The following FRMPD4 variants were observed in gnomAD, a reference collection of about 807,000 sequenced individuals.
FRMPD4 encodes the protein FERM and PDZ domain-containing protein 4.
Under a neutral mutation model 94.1 loss-of-function variants are expected in FRMPD4, and 22 were observed. The ratio of observed to expected loss-of-function variants is 0.23; its 90% confidence interval spans 0.17 to 0.33. The LOEUF is 0.33. Among genes scored for constraint, FRMPD4 ranks in the 10% least tolerant of loss-of-function variants. The pLI, the probability that FRMPD4 is intolerant of heterozygous loss-of-function variation, is 1.00. For synonymous variants in FRMPD4, 631 were observed against 548.6 expected (o/e 1.15, Z -2.10); for missense variants, 1,111 against 1,339.9 (o/e 0.83, Z 2.67).
At chrX:12,467,387 A>G (rs2057460672) in intron 1 of FRMPD4, among the ~76,000 whole-genome samples, 1 of 111,834 alleles carries the variant, frequency 8.9e-6, no homozygotes, top group Non-Finnish European at 1.9e-5. Flanking sequence ...CAAAGCACAG[A>G]TTTGGGTTGT....
At chrX:12,366,002 A>G (rs763913540) in intron 1 of FRMPD4, among the ~76,000 whole-genome samples, 12 of 112,395 alleles carry the variant, frequency 1.1e-4, no homozygotes, top group Admixed American at 5.6e-4. Context: ...CAGATTGGCA[A>G]CAAACAACTG....
intron 10 of FRMPD4, among the ~76,000 whole-genome samples, chrX:12,703,081 T>C (rs1285382800): frequency 1.8e-5 from 2 of 112,873 alleles, no homozygotes; most frequent in East Asian, 2.8e-4. Flanking sequence ...AGGTTGAACA[T>C]TGTATGGTCA....
intron 1 of FRMPD4, among the ~76,000 whole-genome samples, chrX:12,351,567 T>A (rs2147976609): frequency 8.9e-6 from 1 of 112,200 alleles, no homozygotes; most frequent in South Asian, 3.7e-4. Flanking sequence ...CTCAAGGAAT[T>A]TTCATAAAGT....
At chrX:11,900,384 G>T (rs927028695) in intron 3 of FRMPD4, among the ~76,000 whole-genome samples, 1 of 111,571 alleles carries the variant, frequency 9.0e-6, no homozygotes, top group African/African-American at 3.3e-5. Context: ...GGACAGGATA[G>T]GACTCTTGGG....
chrX:12,137,407 A>G (rs2055611311), upstream of FRMPD4, among the ~76,000 whole-genome samples: 1 of 112,379 alleles, frequency 8.9e-6, no homozygotes, highest in Non-Finnish European at 1.9e-5. Flanking sequence ...CTTTAAACCT[A>G]TTTCTTTCTT....
upstream of FRMPD4, among the ~76,000 whole-genome samples, chrX:12,136,918 CACACACAT>C (rs1283969893): frequency 1.9e-4 from 20 of 107,890 alleles, no homozygotes; most frequent in South Asian, 7.5e-3. Context: ...CACACACACA[CACACACAT>C]ACACACACAC....
chrX:11,830,207 C>A (rs964566701), intron 1 of FRMPD4, among the ~76,000 whole-genome samples: 7 of 111,640 alleles, frequency 6.3e-5, no homozygotes, highest in Non-Finnish European at 9.4e-5. Context: ...ATGAGTCAAA[C>A]CATCATTTTC....
intron 3 of FRMPD4, among the ~76,000 whole-genome samples, chrX:12,126,807 C>T (rs2055504297): frequency 9.0e-6 from 1 of 111,716 alleles, no homozygotes; most frequent in Middle Eastern, 4.2e-3. Flanking sequence ...TTAGATGCCC[C>T]AGCCCTAGTT....
chrX:12,716,264 G>T lies in FRMPD4; in HGVS notation c.1805G>T (p.Ser602Ile). 1.7e-6 allele frequency: 2 copies of T among 1,210,908 alleles called. No individual in the cohort carries two copies. Among genetic ancestry groups the T allele is most frequent in the Non-Finnish European group, 2.2e-6 (2 of 894,663 alleles). Residue 602 changes from serine (S) to isoleucine (I), a missense_variant, in exon 15 of 17, where the codon AGT becomes ATT. Physicochemically the swap from Ser to Ile is moderately radical, Grantham distance 142 (BLOSUM62 -2). This residue lies in a region of FRMPD4 where 192 missense variants were observed against 192.5 expected (regional missense o/e 1.00). Transcript: ENST00000675598. ...HRHLYIDNAY[S>I]SDGLNQQLSQ... Reference sequence around the variant, plus strand: ...CACTTGTACATAGACAATGCCTATAGTTCAGATGGACTTAACCAGCAGCTG... The same window carrying T: ...CACTTGTACATAGACAATGCCTATATTTCAGATGGACTTAACCAGCAGCTG...
chrX:12,372,307 G>C (rs1236728888), intron 1 of FRMPD4, among the ~76,000 whole-genome samples: 1 of 113,154 alleles, frequency 8.8e-6, no homozygotes, highest in African/African-American at 3.2e-5. Context: ...TCCCAACCTT[G>C]GCTGAACAAA....
chrX:12,703,720 T>A (rs2041828283), intron 10 of FRMPD4, among the ~76,000 whole-genome samples: 1 of 112,055 alleles, frequency 8.9e-6, no homozygotes, highest in African/African-American at 3.2e-5. Flanking sequence ...GTTGTTTTGT[T>A]GTACATCCAC....
intron 3 of FRMPD4, among the ~76,000 whole-genome samples, chrX:11,947,239 A>G (rs971250284): frequency 2.7e-5 from 3 of 112,373 alleles, no homozygotes; most frequent in Non-Finnish European, 5.6e-5. Context: ...GTTCTGAAAC[A>G]TAAATCACTT....
At chrX:12,409,371 C>G (rs147451785) in intron 1 of FRMPD4, among the ~76,000 whole-genome samples, 43 of 111,487 alleles carry the variant, frequency 3.9e-4, no homozygotes, top group African/African-American at 1.4e-3. Flanking sequence ...TTTATTCTAG[C>G]TAAAAGGGTT....
chrX:11,906,613 A>T (rs922638953), intron 3 of FRMPD4, among the ~76,000 whole-genome samples: 8 of 110,180 alleles, frequency 7.3e-5, no homozygotes, highest in Admixed American at 4.8e-4. Context: ...GTATATAATG[A>T]GTTGTTTTTC....
intron 3 of FRMPD4, among the ~76,000 whole-genome samples, chrX:11,904,448 A>C (rs1015717683): frequency 1.8e-5 from 2 of 112,267 alleles, no homozygotes; most frequent in Admixed American, 1.9e-4. Flanking sequence ...AAGGCAGGGG[A>C]CGTTGTTAAA....
intron 3 of FRMPD4, among the ~76,000 whole-genome samples, chrX:11,923,283 C>T (rs1279302023): frequency 8.9e-6 from 1 of 112,389 alleles, no homozygotes. Context: ...CCTGCCAGTG[C>T]CCTGCCCTTG....
In FRMPD4 at chrX:12,331,733, A is replaced by AT. The variant is rs1473353044; in HGVS notation, c.42-166946dup. Among the ~76,000 whole-genome samples, 22 of 62,477 alleles carry AT rather than the reference A, an allele frequency of 3.5e-4. 5 individuals carry two copies. Among genetic ancestry groups the AT allele is most frequent in the African/African-American group, 2.0e-3 (22 of 11,222 alleles). The allele number at this position is 62,477 out of a possible 115,157, so 54.3% of individuals were successfully genotyped here. A position where few individuals can be genotyped will look rare whatever the true frequency, so the allele number is the denominator to read the frequency against. On this transcript the variant is annotated intron_variant, in intron 1 of 16. Coordinates refer to ENST00000675598, the MANE Select transcript of FRMPD4 (RefSeq NM_001368397.1). ...TATATAATTTATATATAGTATATAA[A>AT]TATATAATTTATATATTTATATACT...
intron 2 of FRMPD4, among the ~76,000 whole-genome samples, chrX:12,525,168 T>A (rs1347112820): frequency 9.0e-6 from 1 of 110,726 alleles, no homozygotes; most frequent in African/African-American, 3.3e-5. Context: ...AGACAACTGA[T>A]TCTAATAGTA....
chrX:12,009,036 C>A (rs2054568298), intron 3 of FRMPD4, among the ~76,000 whole-genome samples: 1 of 111,510 alleles, frequency 9.0e-6, no homozygotes, highest in Admixed American at 9.5e-5. Context: ...TTTAAGCTGA[C>A]TGTAACACCT....
Sources: gnomAD v4.1 joint callset for allele counts (sites outside exome capture counted in the v4.1 genomes callset) on GRCh38, gnomAD v4.1.1 for gene constraint, gnomAD v4.1.1 regional missense constraint, MANE v1.5 for transcripts, NCBI Gene and HGNC (gene_info 2026-07-23, HGNC 2026-07-21) for gene names.